The following PSMC3 variants were observed in gnomAD, a reference collection of about 807,000 sequenced individuals.
The protein encoded by PSMC3 is proteasome 26S subunit, ATPase 3.
PSMC3 carries 11 observed loss-of-function variants against 52.0 expected under a neutral mutation model. The observed-to-expected ratio is 0.21, with a 90% confidence interval of 0.13 to 0.35. PSMC3 has a LOEUF of 0.35. Among genes scored for constraint, PSMC3 ranks in the 10% least tolerant of loss-of-function variants. PSMC3 has a pLI of 1.00. For missense variants in PSMC3, 238 were observed against 567.1 expected (o/e 0.42, Z 5.89); for synonymous variants, 201 against 218.8 (o/e 0.92, Z 0.72).
At chr11:47,419,252 G>T in intron 10 of PSMC3, 55 bp from the exon 11 acceptor site, 1 of 1,582,528 alleles carries the variant, frequency 6.3e-7, no homozygotes, top group Non-Finnish European at 8.7e-7. Flanking sequence ...TGGGCAGAGG[G>T]GCCAAATATC....
intron 2 of PSMC3, 137 bp from the exon 3 acceptor site, chr11:47,425,383 G>C (rs1232223807): frequency 9.4e-7 from 1 of 1,065,672 alleles, no homozygotes. Context: ...TCTGAAGGCA[G>C]AGTCTGACTG....
At chr11:47,425,537 T>C (rs934558208) in intron 2 of PSMC3, 26 of 557,228 alleles carry the variant, frequency 4.7e-5, no homozygotes, top group Non-Finnish European at 8.0e-5. Context: ...CTGGGTGCTT[T>C]ATCGCAGTAC....
rs372062886 is a variant in PSMC3, at chr11:47,420,837, T to G, written c.885-110A>C. On this transcript the variant is annotated intron_variant, in intron 8 of 11. Transcript: ENST00000298852. The stretch of plus-strand genomic sequence containing the variant: ...AACCCGTCCAGGGCAGGGAAATGGC[T>G]CACTCAACTTGGGGCCCCCAGCCCA... The G allele has an allele frequency of 3.7e-3, 3,563 of 975,398 alleles. 130 individuals are homozygous for G. The South Asian group carries it at 0.05, about 14-fold the overall frequency. The allele number at this position is 975,398 out of a possible 1,614,324, so 60.4% of individuals were successfully genotyped here.
intron 6 of PSMC3, among the ~76,000 whole-genome samples, chr11:47,423,738 G>A (rs899180764): frequency 8.6e-5 from 13 of 151,700 alleles, no homozygotes; most frequent in African/African-American, 2.9e-4. Flanking sequence ...GCGGTGAGCC[G>A]AGATCGTGCC....
chr11:47,425,990 C>T, intron 1 of PSMC3, 40 bp from the exon 2 acceptor site: 3 of 1,572,258 alleles, frequency 1.9e-6, no homozygotes, highest in Non-Finnish European at 2.6e-6. Flanking sequence ...TTTACTTTTA[C>T]TCAGGACAAG....
rs1038891492 is a variant in PSMC3 at position 47,426,355 on chromosome 11, T to A, written c.-76A>T. 8 of 1,335,768 alleles carry A rather than the reference T, an allele frequency of 6.0e-6. No individual in the cohort carries two copies. The highest frequency in any genetic ancestry group is 7.2e-6 in the Non-Finnish European group (7 of 972,314). 82.7% of individuals were successfully genotyped at this position (1,335,768 alleles called of 1,614,324 possible). On this transcript the variant is annotated 5_prime_UTR_variant, in exon 1 of 12. It adds an upstream start codon to the 5' untranslated region. Transcript: ENST00000298852. Reference sequence around the variant, plus strand: ...GATTAATACCGTCTTTCTTAAAGCCTTCTCTTGACCAGTGGAAAACCTCTC... The same window carrying A: ...GATTAATACCGTCTTTCTTAAAGCCATCTCTTGACCAGTGGAAAACCTCTC...
intron 10 of PSMC3, among the ~76,000 whole-genome samples, chr11:47,419,805 G>T (rs3781628): frequency 0.21 from 32,465 of 151,332 alleles, 4,217 homozygotes; most frequent in African/African-American, 0.34. Context: ...CTTGCAGTGA[G>T]CCGAGATCGC....
chr11:47,418,782 A>G lies in PSMC3; in HGVS notation c.*53T>C. The G allele has an allele frequency of 6.5e-7, 1 of 1,533,028 alleles. No homozygotes were observed. The highest frequency in any genetic ancestry group is 9.0e-7 in the Non-Finnish European group (1 of 1,110,948). The allele number at this position is 1,533,028 out of a possible 1,614,324, so 95.0% of individuals were successfully genotyped here. On this transcript the variant is annotated 3_prime_UTR_variant, in exon 12 of 12. Transcript: ENST00000298852. ...CAGACAAGCAGCGGCAGGGACCCTA[A>G]ACCATCTTTTATTGCGCACTTCAGC... is the stretch of plus-strand genomic sequence containing the variant.
At position 47,422,961 on chromosome 11, in the gene PSMC3, T is replaced by G; in HGVS notation, c.604A>C (p.Ile202Leu). 3 of 1,611,132 alleles carry G rather than the reference T, an allele frequency of 1.9e-6. No homozygotes were observed. Among genetic ancestry groups the G allele is most frequent in the Non-Finnish European group, 2.5e-6 (3 of 1,178,562 alleles). ...TCCTTGTGGTTCATTGGCAAGACAA[T>G]GGCCTCCACCAGCTGCCAGGAGGAA... is the stretch of plus-strand genomic sequence containing the variant. ...DKQIQELVEA[I>L]VLPMNHKEKF... The change falls in exon 7 of 12, where the codon ATT becomes CTT. Residue 202 changes from isoleucine (I) to leucine (L), a missense_variant. Physicochemically the swap from Ile to Leu is conservative, Grantham distance 5. Transcript: ENST00000298852. The surrounding 1 kb of genome is among the most constrained non-coding windows in gnomAD (Gnocchi z 4.3).
In PSMC3 at chr11:47,424,364, T is replaced by TG; in HGVS notation, c.453+64dup. 6.3e-7 allele frequency: 1 copy of TG among 1,579,970 alleles called. No homozygotes were observed. Among genetic ancestry groups the TG allele is most frequent in the South Asian group, 1.1e-5 (1 of 90,214 alleles). ...CCAAGATTCAGAGCCAACAGTGACC[T>TG]GGGGCGGGTACAGGGGCTCAGCTAG... On this transcript the variant is annotated intron_variant, in intron 5 of 11. Coordinates refer to ENST00000298852, the MANE Select transcript of PSMC3 (RefSeq NM_002804.5). The surrounding 1 kb of genome is among the most constrained non-coding windows in gnomAD (Gnocchi z 4.8).
At chr11:47,423,982 CA>C in intron 6 of PSMC3, 63 bp downstream of exon 6, 1 of 1,608,590 alleles carries the variant, frequency 6.2e-7, no homozygotes, top group Non-Finnish European at 8.5e-7. Flanking sequence ...AGATGAGCTG[CA>C]TCAATGGCGT....
intron 2 of PSMC3, 160 bp from the exon 3 acceptor site, chr11:47,425,406 G>T: frequency 2.3e-6 from 2 of 867,666 alleles, no homozygotes; most frequent in Non-Finnish European, 3.5e-6. Context: ...TCCACATCCT[G>T]CAGAAGTCAA....
In PSMC3 at chr11:47,420,730, AG is replaced by A; in HGVS notation, c.885-4del. The A allele has an allele frequency of 6.4e-7, 1 of 1,555,776 alleles. No homozygotes were observed. Among genetic ancestry groups the A allele is most frequent in the African/African-American group, 1.4e-5 (1 of 73,402 alleles). ...CCCCAGCCTTCTCACTGTCAAAGCTAGGGCACAGGAAGCCCGAGATGCTGGT... is the reference window on the plus strand; with the variant it reads ...CCCCAGCCTTCTCACTGTCAAAGCTAGGCACAGGAAGCCCGAGATGCTGGT... On this transcript the variant is annotated splice_region_variant and splice_polypyrimidine_tract_variant and intron_variant, in intron 8 of 11. Coordinates refer to ENST00000298852, the MANE Select transcript of PSMC3 (RefSeq NM_002804.5).
chr11:47,426,111 C>T, intron 1 of PSMC3, 94 bp downstream of exon 1: 1 of 1,467,104 alleles, frequency 6.8e-7, no homozygotes, highest in Non-Finnish European at 9.3e-7. Context: ...CGGGATCGGG[C>T]CAGACCTTGA....
At chr11:47,423,981 G>C (rs182528390) in intron 6 of PSMC3, 65 bp downstream of exon 6, 193 of 1,606,756 alleles carry the variant, frequency 1.2e-4, no homozygotes, top group Non-Finnish European at 1.5e-4. Flanking sequence ...GAGATGAGCT[G>C]CATCAATGGC....
At chr11:47,421,156 GGC>G (rs1418615127) in intron 8 of PSMC3, among the ~76,000 whole-genome samples, 1 of 147,888 alleles carries the variant, frequency 6.8e-6, no homozygotes, top group Non-Finnish European at 1.5e-5. Context: ...GGGACACTGA[GGC>G]AGAATTACTT....
intron 2 of PSMC3, chr11:47,425,649 G>T: frequency 7.2e-6 from 4 of 558,384 alleles, no homozygotes; most frequent in Non-Finnish European, 1.3e-5. Context: ...AAGGCAATCT[G>T]ATAACTTCTC....
chr11:47,426,131 A>C (rs1595893159), intron 1 of PSMC3, 74 bp downstream of exon 1: 116 of 1,331,832 alleles, frequency 8.7e-5, no homozygotes, highest in Non-Finnish European at 1.1e-4. Context: ...ACCCCCAGCC[A>C]CCTCCTTCCC....
Position 47,426,367 on chromosome 11 carries a change from G to C in PSMC3, c.-88C>G, listed in dbSNP as rs1012556724. ...CTTTCTTAAAGCCTTCTCTTGACCA[G>C]TGGAAAACCTCTCCCCACAAATCCC... is the stretch of plus-strand genomic sequence containing the variant. On this transcript the variant is annotated 5_prime_UTR_variant, in exon 1 of 12. Coordinates refer to ENST00000298852, the MANE Select transcript of PSMC3 (RefSeq NM_002804.5). 1.6e-6 allele frequency: 2 copies of C among 1,213,096 alleles called. No individual in the cohort carries two copies. Among genetic ancestry groups the C allele is most frequent in the African/African-American group, 1.5e-5 (1 of 64,914 alleles). The allele number at this position is 1,213,096 out of a possible 1,614,324, so 75.1% of individuals were successfully genotyped here.
Sources: gnomAD v4.1 joint callset for allele counts (sites outside exome capture counted in the v4.1 genomes callset) on GRCh38, gnomAD v4.1.1 for gene constraint, Gnocchi (gnomAD v3.1) non-coding constraint, MANE v1.5 for transcripts, NCBI Gene and HGNC (gene_info 2026-07-23, HGNC 2026-07-21) for gene names.